Variants in NRP2 observed in about 807,000 individuals in gnomAD.
The protein encoded by NRP2 is neuropilin 2.
In NRP2, 52 loss-of-function variants were observed where a neutral mutation model predicts 110.4. The observed-to-expected ratio is 0.47, with a 90% CI of 0.38 to 0.59. NRP2 has a LOEUF of 0.59. NRP2 is among the 20% of genes least tolerant of loss of function. The pLI is 0.00. For missense variants in NRP2, 1,049 were observed against 1,203.0 expected (o/e 0.87, Z 1.89); for synonymous variants, 508 against 468.9 (o/e 1.08, Z -1.08).
intron 13 of NRP2, 121 bp from the exon 14 acceptor site, chr2:205,765,353 C>CACACACACACACACAT: frequency 2.5e-6 from 2 of 797,192 alleles, no homozygotes; most frequent in Non-Finnish European, 4.5e-6. Context: ...TGCAATAACA[C>CACACACACACACACAT]ACACACACAC....
intron 2 of NRP2, among the ~76,000 whole-genome samples, chr2:205,715,259 T>C (rs1312941112): frequency 2.0e-5 from 3 of 152,090 alleles, no homozygotes; most frequent in African/African-American, 4.8e-5. Flanking sequence ...CAAGATAAAA[T>C]GGTGCATTAT....
At chr2:205,691,054 T>C (rs568378689) in intron 1 of NRP2, among the ~76,000 whole-genome samples, 35 of 152,328 alleles carry the variant, frequency 2.3e-4, no homozygotes, top group Non-Finnish European at 4.4e-4. Context: ...TATCTAGTGA[T>C]ACCTTTGATG....
rs912818434 is a variant in NRP2 at position 205,733,239 on chromosome 2, G to A, written c.1146+5193G>A. ...TCTCTATCAGGCTCCCGCGGCCAGCGTCACCCAGCTCCCGTGGGTGCTGAA... is the reference window on the plus strand; with the variant it reads ...TCTCTATCAGGCTCCCGCGGCCAGCATCACCCAGCTCCCGTGGGTGCTGAA... On this transcript the variant is annotated intron_variant, in intron 7 of 16. Transcript: ENST00000357785. Among the ~76,000 whole-genome samples the A allele has an allele frequency of 3.9e-5, 6 of 152,168 alleles. No individual in the cohort carries two copies. In the East Asian group the frequency reaches 9.7e-4, roughly 24 times the overall value.
chr2:205,688,918 C>A lies in NRP2; in HGVS notation c.73+5555C>A, dbSNP rs536114691. Among the ~76,000 whole-genome samples, 6 of 152,262 alleles carry A rather than the reference C, an allele frequency of 3.9e-5. No homozygotes were observed. In the South Asian group the frequency reaches 1.2e-3, roughly 32 times the overall value. On this transcript the variant is annotated intron_variant, in intron 1 of 16. Coordinates refer to ENST00000357785, the MANE Select transcript of NRP2 (RefSeq NM_003872.3). ...ATACATGGTTTCAGACCTGAACTTC[C>A]TATCCATCACCCGCCCTCCCCGGCC...
intron 2 of NRP2, among the ~76,000 whole-genome samples, chr2:205,712,190 G>A (rs556547047): frequency 2.2e-4 from 33 of 152,214 alleles, no homozygotes; most frequent in South Asian, 4.1e-4. Flanking sequence ...TCGGGGAACC[G>A]TTTTAGAGAG....
intron 15 of NRP2, among the ~76,000 whole-genome samples, chr2:205,783,560 C>G (rs2058201295): frequency 6.6e-6 from 1 of 152,238 alleles, no homozygotes; most frequent in Non-Finnish European, 1.5e-5. Context: ...GGCCCCCACA[C>G]TGGCCCCAAG....
chr2:205,748,103 G>T (rs115069320), intron 10 of NRP2, among the ~76,000 whole-genome samples: 13 of 151,994 alleles, frequency 8.6e-5, no homozygotes, highest in African/African-American at 2.7e-4. Flanking sequence ...TCATTTACAC[G>T]CCCTGCCCTC....
intron 2 of NRP2, among the ~76,000 whole-genome samples, chr2:205,709,700 C>T (rs1217271007): frequency 1.3e-5 from 2 of 152,198 alleles, no homozygotes; most frequent in Admixed American, 6.5e-5. Flanking sequence ...AATGTGCCTA[C>T]TCACAAACAC....
chr2:205,737,347 A>C (rs1188828390), intron 7 of NRP2, among the ~76,000 whole-genome samples: 1 of 152,232 alleles, frequency 6.6e-6, no homozygotes, highest in African/African-American at 2.4e-5. Flanking sequence ...TCATGCGAAG[A>C]AAGGTTTAGA....
Position 205,796,475 on chromosome 2 carries a change from T to C in NRP2, c.*1417T>C, listed in dbSNP as rs2058353167. 2 of 152,590 alleles carry C rather than the reference T, an allele frequency of 1.3e-5. No individual in the cohort carries two copies. The highest frequency in any genetic ancestry group is 4.8e-5 in the African/African-American group (2 of 41,424). 9.5% of individuals were successfully genotyped at this position (152,590 alleles called of 1,614,324 possible). Reference sequence around the variant, plus strand: ...GCACGCACGCATGCACACCAATTTATGTTTTTATTAAGTGCCTTGAAAAAA... The same window carrying C: ...GCACGCACGCATGCACACCAATTTACGTTTTTATTAAGTGCCTTGAAAAAA... On this transcript the variant is annotated 3_prime_UTR_variant, in exon 17 of 17. Coordinates refer to ENST00000357785, the MANE Select transcript of NRP2 (RefSeq NM_003872.3).
rs1329427062 is a variant in NRP2, at chr2:205,682,628, C to A, written c.-663C>A. On this transcript the variant is annotated 5_prime_UTR_variant, in exon 1 of 17. Transcript: ENST00000357785. The surrounding 1 kb of genome is among the most constrained non-coding windows in gnomAD (Gnocchi z 4.3). ...GGAGAGGGGCTCGCTCACTCCCAGGCGATCCCAGCCGCCACCGCCGCCGCA... is the reference window on the plus strand; with the variant it reads ...GGAGAGGGGCTCGCTCACTCCCAGGAGATCCCAGCCGCCACCGCCGCCGCA... The A allele has an allele frequency of 1.8e-5, 3 of 167,248 alleles. No homozygotes were observed. The highest frequency in any genetic ancestry group is 3.5e-4 in the East Asian group (2 of 5,636). The allele number at this position is 167,248 out of a possible 1,614,324, so 10.4% of individuals were successfully genotyped here.
At chr2:205,781,836 A>G (rs768674721) in intron 15 of NRP2, among the ~76,000 whole-genome samples, 1 of 152,230 alleles carries the variant, frequency 6.6e-6, no homozygotes, top group South Asian at 2.1e-4. Context: ...ATTGCCTCAT[A>G]CAAATAAATT....
rs560666048 is a variant in NRP2 at position 205,723,777 on chromosome 2, A to G, written c.665-8A>G. ...TTCCACTGACTTCTCTTTGTCTTGA[A>G]TGTCCAGTTGGCCCCCTGATTGGCA... On this transcript the variant is annotated splice_polypyrimidine_tract_variant and splice_region_variant and intron_variant, in intron 4 of 16. Transcript: ENST00000357785. 1 of 1,613,962 alleles carries G rather than the reference A, an allele frequency of 6.2e-7. No homozygotes were observed. The highest frequency in any genetic ancestry group is 1.7e-5 in the Admixed American group (1 of 59,986).
At chr2:205,782,427 G>T (rs903804349) in intron 15 of NRP2, among the ~76,000 whole-genome samples, 7 of 152,154 alleles carry the variant, frequency 4.6e-5, no homozygotes, top group African/African-American at 1.7e-4. Context: ...ATAGTAACTG[G>T]CTGGGTTTCT....
intron 1 of NRP2, among the ~76,000 whole-genome samples, chr2:205,696,703 C>T (rs3771052): frequency 0.26 from 38,849 of 152,122 alleles, 5,471 homozygotes; most frequent in Middle Eastern, 0.37. Flanking sequence ...TGCAAACGGC[C>T]AGTTATGGCT....
chr2:205,740,495 A>G (rs2057420373), intron 7 of NRP2, 24 bp from the exon 8 acceptor site: 1 of 1,614,110 alleles, frequency 6.2e-7, no homozygotes, highest in Non-Finnish European at 8.5e-7. Context: ...TTTCAATAAC[A>G]TGGTTTTGCA....
Position 205,743,770 on chromosome 2 carries a change from T to C in NRP2, c.1641+218T>C, listed in dbSNP as rs1004832259. ...TTTGTTTGTTTGTTTGTTTTTGAGA[T>C]GGAGTCTCTGTCACCCAGGCTGGAG... On this transcript the variant is annotated intron_variant, in intron 9 of 16. Transcript: ENST00000357785. 2.1e-5 allele frequency: 16 copies of C among 746,536 alleles called. No individual in the cohort carries two copies. In the African/African-American group the frequency reaches 2.2e-4, roughly 10 times the overall value. The allele number at this position is 746,536 out of a possible 1,614,324, so 46.2% of individuals were successfully genotyped here.
chr2:205,745,725 G>A (rs1483004809), intron 9 of NRP2, 21 bp from the exon 10 acceptor site: 2 of 1,613,810 alleles, frequency 1.2e-6, no homozygotes, highest in Non-Finnish European at 1.7e-6. Flanking sequence ...CAGAAGGGCT[G>A]AGTGGCCTCT....
In NRP2 at chr2:205,743,291, G is replaced by A; in HGVS notation, c.1380G>A (p.Trp460Ter). Reference protein sequence around the residue: ...ISASSTQEYLWSPSAARLVSS... With the variant: ...ISASSTQEYL The stretch of plus-strand genomic sequence containing the variant: ...CCTCTTCCACCCAGGAATACCTCTG[G>A]AGCCCCAGTGCAGCCCGCCTGGTTA... The change falls in exon 9 of 17, where the codon TGG becomes TGA. Residue 460 changes from tryptophan to a stop codon, truncating the protein, a stop_gained. Transcript: ENST00000357785. LOFTEE classifies it high-confidence loss of function. 6.2e-7 allele frequency: 1 copy of A among 1,614,126 alleles called. No homozygotes were observed. Among genetic ancestry groups the A allele is most frequent in the Non-Finnish European group, 8.5e-7 (1 of 1,180,008 alleles).
Sources: gnomAD v4.1 joint callset for allele counts (sites outside exome capture counted in the v4.1 genomes callset) on GRCh38, gnomAD v4.1.1 for gene constraint, Gnocchi (gnomAD v3.1) non-coding constraint, MANE v1.5 for transcripts, NCBI Gene and HGNC (gene_info 2026-07-23, HGNC 2026-07-21) for gene names.